GPHN: variants seen among roughly 807,000 people sequenced by gnomAD.
GPHN encodes the protein gephyrin.
A neutral mutation model predicts 95.5 loss-of-function variants in GPHN; 17 were observed. The observed-to-expected ratio is 0.18, with a 90% CI of 0.12 to 0.27. The LOEUF is 0.27. Among genes scored for constraint, GPHN ranks in the 10% least tolerant of loss-of-function variants. GPHN has a pLI of 1.00. For synonymous variants in GPHN, 320 were observed against 322.5 expected (o/e 0.99, Z 0.08); for missense variants, 660 against 978.1 (o/e 0.67, Z 4.34).
chr14:66,703,496 T>G (rs879365928), intron 2 of GPHN, among the ~76,000 whole-genome samples: 1 of 152,194 alleles, frequency 6.6e-6, no homozygotes, highest in Admixed American at 6.5e-5. Flanking sequence ...TATTCAACAT[T>G]CTTAAAGAAA....
chr14:67,146,159 C>T (rs2080885006), intron 18 of GPHN, among the ~76,000 whole-genome samples: 1 of 152,186 alleles, frequency 6.6e-6, no homozygotes, highest in Non-Finnish European at 1.5e-5. Flanking sequence ...ACAGCCATCC[C>T]TTCTAAAGTC....
rs533808491 is a variant in GPHN, at chr14:66,785,067, A to T, written c.201+8546A>T. 4.5e-4 allele frequency among the ~76,000 whole-genome samples: 67 copies of T among 148,748 alleles called. 1 individual carries two copies. Among genetic ancestry groups the T allele is most frequent in the South Asian group, 8.4e-4 (4 of 4,734 alleles). ...AGATTTATGTGTGAACACAAATTTT[A>T]AAAAAAAAAGCAGGAGTGGGCTGGG... On this transcript the variant is annotated intron_variant, in intron 3 of 22. Transcript: ENST00000478722.
chr14:67,314,068 C>T, the GPHN span, among the ~76,000 whole-genome samples: 2 of 151,684 alleles, frequency 1.3e-5, no homozygotes, highest in African/African-American at 4.8e-5. Flanking sequence ...TATCTTTTAT[C>T]TACAACCTTT....
chr14:67,101,634 T>C (rs981968794), intron 13 of GPHN, among the ~76,000 whole-genome samples: 2 of 151,574 alleles, frequency 1.3e-5, no homozygotes, highest in African/African-American at 2.4e-5. Flanking sequence ...GATTTCCATT[T>C]TGATTTCTTC....
the GPHN span, among the ~76,000 whole-genome samples, chr14:67,263,405 G>C: frequency 1.6e-4 from 25 of 152,210 alleles, no homozygotes; most frequent in East Asian, 4.8e-3. Context: ...AACAAGAAGA[G>C]ACTATTAGGT....
At chr14:66,720,131 T>C (rs541349203) in intron 2 of GPHN, among the ~76,000 whole-genome samples, 1 of 152,338 alleles carries the variant, frequency 6.6e-6, no homozygotes, top group African/African-American at 2.4e-5. Flanking sequence ...TTTATAATTA[T>C]GAATACTGTA....
the GPHN span, among the ~76,000 whole-genome samples, chr14:67,272,597 C>G: frequency 6.6e-6 from 1 of 152,148 alleles, no homozygotes; most frequent in African/African-American, 2.4e-5. Flanking sequence ...ACCTCTTTCT[C>G]TTATTCACTT....
the GPHN span, chr14:67,615,760 T>G: frequency 9.9e-6 from 5 of 504,214 alleles, no homozygotes; most frequent in Non-Finnish European, 1.9e-5. Context: ...AGGATCCCAA[T>G]GCACCCCAGA....
intron 19 of GPHN, among the ~76,000 whole-genome samples, chr14:67,163,008 A>G (rs1347531293): frequency 6.6e-6 from 1 of 152,196 alleles, no homozygotes; most frequent in African/African-American, 2.4e-5. Flanking sequence ...GATGTTACTT[A>G]AAAAATAGAT....
At chr14:67,586,437 A>G in the GPHN span, 16 of 1,311,626 alleles carry the variant, frequency 1.2e-5, no homozygotes, top group South Asian at 2.0e-4. Context: ...TCCTCAAGGC[A>G]GGGCAGATTC....
intron 12 of GPHN, among the ~76,000 whole-genome samples, chr14:67,091,320 A>G (rs905642698): frequency 6.6e-6 from 1 of 151,990 alleles, no homozygotes; most frequent in Non-Finnish European, 1.5e-5. Flanking sequence ...GTTGATTAGA[A>G]TAAATATTAT....
At chr14:67,376,796 T>C in the GPHN span, among the ~76,000 whole-genome samples, 1 of 152,208 alleles carries the variant, frequency 6.6e-6, no homozygotes, top group Non-Finnish European at 1.5e-5. Context: ...ATATGGTTTA[T>C]CTCACACATT....
In GPHN at chr14:66,760,848, A is replaced by C. The variant is rs2058729616; in HGVS notation, c.144-15616A>C. The C allele has an allele frequency of 6.5e-6, 4 of 618,012 alleles. No individual in the cohort carries two copies. The African/African-American group carries it at 7.4e-5, about 11-fold the overall frequency. 38.3% of individuals were successfully genotyped at this position (618,012 alleles called of 1,614,324 possible). ...AGATCAAGCAGAAATGCCAAGCGAA[A>C]TTTATAATGAACAGATTGAAGAAAA... On this transcript the variant is annotated intron_variant, in intron 2 of 22. Transcript: ENST00000478722.
At chr14:67,576,445 G>A in the GPHN span, 2 of 1,610,116 alleles carry the variant, frequency 1.2e-6, no homozygotes, top group East Asian at 4.5e-5. The surrounding 1 kb of genome is among the most constrained non-coding windows in gnomAD (Gnocchi z 4.0). Flanking sequence ...GCAGTGCCAA[G>A]GTGGGCACTG....
chr14:66,585,344 T>A (rs2061375711), intron 1 of GPHN, among the ~76,000 whole-genome samples: 1 of 152,174 alleles, frequency 6.6e-6, no homozygotes, highest in Admixed American at 6.5e-5. Flanking sequence ...AACCAGCTCC[T>A]GGATTCATTG....
intron 10 of GPHN, among the ~76,000 whole-genome samples, chr14:67,052,317 T>C (rs558212057): frequency 6.7e-6 from 1 of 148,402 alleles, no homozygotes; most frequent in East Asian, 2.0e-4. Flanking sequence ...AGTGTTAAAG[T>C]CTTACAAAAC....
At chr14:66,572,605 G>C (rs1459263453) in intron 1 of GPHN, among the ~76,000 whole-genome samples, 1 of 151,624 alleles carries the variant, frequency 6.6e-6, no homozygotes, top group Non-Finnish European at 1.5e-5. Context: ...ATATTTGTAC[G>C]TGGTTTTGGA....
intron 8 of GPHN, among the ~76,000 whole-genome samples, chr14:66,944,084 A>T (rs936225508): frequency 6.6e-6 from 1 of 152,260 alleles, no homozygotes; most frequent in African/African-American, 2.4e-5. Context: ...AGAAAAACAT[A>T]AAGGCCATTT....
chr14:66,966,409 T>C (rs1260100093), intron 9 of GPHN, among the ~76,000 whole-genome samples: 3 of 152,064 alleles, frequency 2.0e-5, no homozygotes, highest in Non-Finnish European at 4.4e-5. Flanking sequence ...AAAACTGATA[T>C]TAATTTTATC....
Sources: allele counts gnomAD v4.1 joint callset (sites outside exome capture counted in the v4.1 genomes callset), GRCh38; gene constraint gnomAD v4.1.1; non-coding constraint Gnocchi (gnomAD v3.1); transcripts MANE v1.5; gene names NCBI Gene and HGNC (gene_info 2026-07-23, HGNC 2026-07-21).